The following TMEM154 variants were observed in gnomAD, a reference collection of about 807,000 sequenced individuals.
The protein encoded by TMEM154 is transmembrane protein 154.
In TMEM154, 27 loss-of-function variants were observed where a neutral mutation model predicts 24.5. The observed-to-expected ratio is 1.10, with a 90% CI of 0.81 to 1.52. The LOEUF (loss-of-function observed/expected upper bound fraction) is 1.52. Ranked by LOEUF, TMEM154 falls within the 40% of genes most tolerant of loss-of-function variation. The pLI is 0.00. For missense variants in TMEM154, 228 were observed against 213.4 expected (o/e 1.07, Z -0.43); for synonymous variants, 67 against 76.8 (o/e 0.87, Z 0.67).
In TMEM154 at chr4:152,626,860, A is replaced by G. The variant is rs1751931799; in HGVS notation, c.*1686T>C. On this transcript the variant is annotated 3_prime_UTR_variant, in exon 7 of 7. Coordinates refer to ENST00000304385, the MANE Select transcript of TMEM154 (RefSeq NM_152680.3). ...ATAGACAAGTTATGATTCAGAAAACAATTGTATGCAATTTTGGCATAAATA... is the reference window on the plus strand; with the variant it reads ...ATAGACAAGTTATGATTCAGAAAACGATTGTATGCAATTTTGGCATAAATA... 6.6e-6 allele frequency: 1 copy of G among 152,232 alleles called. No individual in the cohort carries two copies. Among genetic ancestry groups the G allele is most frequent in the South Asian group, 2.1e-4 (1 of 4,830 alleles). 9.4% of individuals were successfully genotyped at this position (152,232 alleles called of 1,614,324 possible).
rs138262078 is a variant in TMEM154, at chr4:152,623,922, G to A, written c.*4624C>T. The A allele has an allele frequency of 6.6e-6, 1 of 150,776 alleles. No homozygotes were observed. Among genetic ancestry groups the A allele is most frequent in the African/African-American group, 2.4e-5 (1 of 41,140 alleles). The allele number at this position is 150,776 out of a possible 1,614,324, so 9.3% of individuals were successfully genotyped here. On this transcript the variant is annotated 3_prime_UTR_variant, in exon 7 of 7. Transcript: ENST00000304385. The stretch of plus-strand genomic sequence containing the variant: ...GGAAATGGGAAACTGTTAAGAATAT[G>A]CTTTTCATAAAAGTCCAGTTACTTA...
chr4:152,636,649 C>T (rs1473017510), intron 6 of TMEM154, among the ~76,000 whole-genome samples: 1 of 152,208 alleles, frequency 6.6e-6, no homozygotes, highest in Non-Finnish European at 1.5e-5. Flanking sequence ...ATTACAGACC[C>T]TAACAAGACA....
chr4:152,636,603 C>T (rs900645214), intron 6 of TMEM154, among the ~76,000 whole-genome samples: 4 of 152,168 alleles, frequency 2.6e-5, no homozygotes, highest in Non-Finnish European at 5.9e-5. Flanking sequence ...ACAAGACTGG[C>T]CAATGAGACA....
chr4:152,679,929 T>A lies in TMEM154; in HGVS notation c.5A>T (p.Gln2Leu). 1.2e-6 allele frequency: 2 copies of A among 1,609,418 alleles called. No homozygotes were observed. Among genetic ancestry groups the A allele is most frequent in the Non-Finnish European group, 1.7e-6 (2 of 1,178,440 alleles). ...GAAGACTAGGGCTGCGCGGGGAGCC[T>A]GCATGTCCGCTCGCCTCGGCAGAGG... M[Q>L]APRAALVFAL... The change falls in exon 1 of 7, where the codon CAG (glutamine) becomes CTG (leucine). Residue 2 changes from glutamine to leucine, a missense_variant. Transcript: ENST00000304385.
At chr4:152,648,071 A>G (rs1465927301) in intron 3 of TMEM154, among the ~76,000 whole-genome samples, 2 of 152,232 alleles carry the variant, frequency 1.3e-5, no homozygotes, top group African/African-American at 4.8e-5. Flanking sequence ...GAAACAAGTC[A>G]CCAACTTATG....
intron 1 of TMEM154, chr4:152,666,767 G>A (rs1223725141): frequency 6.6e-6 from 1 of 152,238 alleles, no homozygotes; most frequent in Non-Finnish European, 1.5e-5. Flanking sequence ...GACTCTTCAG[G>A]ACACAACCTG....
intron 1 of TMEM154, among the ~76,000 whole-genome samples, chr4:152,658,305 G>T (rs1321391185): frequency 6.6e-6 from 1 of 152,082 alleles, no homozygotes; most frequent in East Asian, 1.9e-4. Flanking sequence ...TAAGAGGGAA[G>T]TTTATAGTAA....
At chr4:152,645,594 A>G (rs1043822112) in intron 3 of TMEM154, among the ~76,000 whole-genome samples, 3 of 152,120 alleles carry the variant, frequency 2.0e-5, no homozygotes, top group East Asian at 1.9e-4. Context: ...AAAGCAAACC[A>G]CTTTGTAGGG....
intron 6 of TMEM154, among the ~76,000 whole-genome samples, chr4:152,629,380 G>A (rs1033170529): frequency 8.5e-5 from 13 of 152,126 alleles, no homozygotes; most frequent in African/African-American, 2.7e-4. Flanking sequence ...TTCAAACATC[G>A]GGCATCCTGG....
At chr4:152,675,293 T>TA (rs5863016) in intron 1 of TMEM154, among the ~76,000 whole-genome samples, 116,844 of 151,106 alleles carry the variant, frequency 0.77, 48,496 homozygotes, top group East Asian at 0.97. Context: ...AAGGAATAAA[T>TA]AACACAAGGG....
At position 152,625,312 on chromosome 4, in the gene TMEM154, C is replaced by G. The variant is rs1370848050; in HGVS notation, c.*3234G>C. The stretch of plus-strand genomic sequence containing the variant: ...AAAATGAGACTTGGAACTTGGAAGG[C>G]CTACACCACGAGGGCCAATTCTGCC... On this transcript the variant is annotated 3_prime_UTR_variant, in exon 7 of 7. Coordinates refer to ENST00000304385, the MANE Select transcript of TMEM154 (RefSeq NM_152680.3). The G allele has an allele frequency of 6.3e-6, 1 of 157,914 alleles. No individual in the cohort carries two copies. The highest frequency in any genetic ancestry group is 1.4e-5 in the Non-Finnish European group (1 of 71,124). 9.8% of individuals were successfully genotyped at this position (157,914 alleles called of 1,614,324 possible).
chr4:152,629,020 A>G (rs6843618), intron 6 of TMEM154, among the ~76,000 whole-genome samples: 146,376 of 152,192 alleles, frequency 0.96, 70,509 homozygotes, highest in Non-Finnish European at 0.99. Flanking sequence ...ATCACAAACC[A>G]TCAGGAAGCC....
At chr4:152,679,785 C>G (rs1382415416) in intron 1 of TMEM154, 85 bp downstream of exon 1, 6 of 1,539,114 alleles carry the variant, frequency 3.9e-6, no homozygotes, top group Non-Finnish European at 5.3e-6. Flanking sequence ...GGGTGTCACC[C>G]TCCCCGGCAG....
chr4:152,642,629 T>A (rs1386253534), intron 5 of TMEM154, among the ~76,000 whole-genome samples: 3 of 152,220 alleles, frequency 2.0e-5, no homozygotes, highest in Non-Finnish European at 4.4e-5. Flanking sequence ...CAATATTTTT[T>A]AATTTTAATT....
At chr4:152,657,208 T>C (rs191085841) in intron 1 of TMEM154, among the ~76,000 whole-genome samples, 2 of 148,256 alleles carry the variant, frequency 1.3e-5, no homozygotes, top group African/African-American at 5.0e-5. Flanking sequence ...AAATGAGTGT[T>C]AGAAAACCTT....
chr4:152,643,558 G>A lies in TMEM154; in HGVS notation c.393-385C>T, dbSNP rs116624968. ...GCTTAATTTCACTTCCTGTTCCTTG[G>A]GGTTTTTTGATCAGTGCCCCAGGTC... On this transcript the variant is annotated intron_variant, in intron 4 of 6. Transcript: ENST00000304385. Among the ~76,000 whole-genome samples, 1,126 of 152,270 alleles carry A rather than the reference G, an allele frequency of 7.4e-3. 20 individuals are homozygous for A. Among genetic ancestry groups the A allele is most frequent in the African/African-American group, 0.026 (1,081 of 41,560 alleles).
At chr4:152,644,268 C>T in intron 4 of TMEM154, 147 bp downstream of exon 4, 2 of 820,024 alleles carry the variant, frequency 2.4e-6, no homozygotes, top group South Asian at 2.9e-5. Context: ...CACATCCTCC[C>T]TCAGGCTGCC....
intron 6 of TMEM154, 21 bp from the exon 7 acceptor site, chr4:152,628,582 AAAAAAAAAAACAAAAAAAAC>A: frequency 2.6e-5 from 29 of 1,110,114 alleles, no homozygotes; most frequent in South Asian, 3.5e-5. Flanking sequence ...AAAAAAAAAA[AAAAAAAAAAACAAAAAAAAC>A]ACACACACAC....
intron 1 of TMEM154, among the ~76,000 whole-genome samples, chr4:152,673,785 T>G (rs796111909): frequency 2.3e-4 from 35 of 152,332 alleles, no homozygotes; most frequent in African/African-American, 8.2e-4. Flanking sequence ...TATTTTTCCT[T>G]TTGTTGATAG....
Sources: gnomAD v4.1 joint callset for allele counts (sites outside exome capture counted in the v4.1 genomes callset) on GRCh38, gnomAD v4.1.1 for gene constraint, MANE v1.5 for transcripts, NCBI Gene and HGNC (gene_info 2026-07-23, HGNC 2026-07-21) for gene names.